EIF2B3: variants seen among roughly 807,000 people sequenced by gnomAD.
EIF2B3 encodes the protein eukaryotic translation initiation factor 2B subunit gamma.
Under a neutral mutation model 54.1 loss-of-function variants are expected in EIF2B3, and 20 were observed. That is an observed-to-expected ratio of 0.37 (90% CI 0.26 to 0.54). The LOEUF (loss-of-function observed/expected upper bound fraction) is 0.54, where lower values mean the gene tolerates loss of function less well. Among genes scored for constraint, EIF2B3 ranks in the 20% least tolerant of loss-of-function variants. The pLI is 0.86. For missense variants in EIF2B3, 448 were observed against 547.8 expected (o/e 0.82, Z 1.82); for synonymous variants, 153 against 188.1 (o/e 0.81, Z 1.52).
chr1:44,926,568 G>A, intron 5 of EIF2B3, 60 bp downstream of exon 5: 1 of 1,318,548 alleles, frequency 7.6e-7, no homozygotes, highest in Non-Finnish European at 1.1e-6. Context: ...CATCCACTGG[G>A]TGGTTTTATT....
At chr1:44,941,862 C>A (rs1644027511) in intron 3 of EIF2B3, among the ~76,000 whole-genome samples, 197 bp from the exon 4 acceptor site, 1 of 152,182 alleles carries the variant, frequency 6.6e-6, no homozygotes, top group Non-Finnish European at 1.5e-5. Context: ...AACTCTACCT[C>A]TCCCTTGTGT....
intron 4 of EIF2B3, among the ~76,000 whole-genome samples, chr1:44,927,216 C>G (rs950412397): frequency 1.3e-5 from 2 of 151,768 alleles, no homozygotes; most frequent in Admixed American, 1.3e-4. Context: ...TATAAAGAAT[C>G]TGCAACTAGG....
chr1:44,942,416 TA>T (rs1237756851), intron 3 of EIF2B3, among the ~76,000 whole-genome samples: 225 of 17,900 alleles, frequency 0.013, 3 homozygotes, highest in Non-Finnish European at 0.02. Flanking sequence ...TATATATATA[TA>T]TTTTTTTTTT....
At chr1:44,960,192 T>A (rs1455042547) in intron 3 of EIF2B3, among the ~76,000 whole-genome samples, 1 of 152,204 alleles carries the variant, frequency 6.6e-6, no homozygotes, top group East Asian at 1.9e-4. Flanking sequence ...AGTTATTTTT[T>A]AAAGTTGACT....
At chr1:44,916,509 G>A (rs933753445) in intron 5 of EIF2B3, among the ~76,000 whole-genome samples, 2 of 148,952 alleles carry the variant, frequency 1.3e-5, no homozygotes, top group African/African-American at 2.5e-5. Context: ...ATTACAGGCT[G>A]GTTGAAGTTT....
intron 6 of EIF2B3, among the ~76,000 whole-genome samples, chr1:44,890,794 T>C (rs893363567): frequency 6.6e-6 from 1 of 152,164 alleles, no homozygotes; most frequent in Admixed American, 6.5e-5. Context: ...GCCTTCTTCT[T>C]TGGTTTCTCA....
chr1:44,865,988 T>C (rs1261767285), intron 10 of EIF2B3, among the ~76,000 whole-genome samples: 2 of 152,202 alleles, frequency 1.3e-5, no homozygotes, highest in African/African-American at 2.4e-5. Flanking sequence ...TAGCCAGTTA[T>C]AGTAGAGGGG....
At chr1:44,958,844 G>A (rs1163700605) in intron 3 of EIF2B3, 3 of 951,302 alleles carry the variant, frequency 3.2e-6, no homozygotes, top group Non-Finnish European at 3.5e-6. Context: ...TGGGCTTCTG[G>A]ACATATCAGG....
intron 6 of EIF2B3, among the ~76,000 whole-genome samples, chr1:44,892,082 A>C (rs1655815078): frequency 6.6e-6 from 1 of 152,128 alleles, no homozygotes; most frequent in Non-Finnish European, 1.5e-5. Flanking sequence ...GAGGTTAACT[A>C]TCTTGCCTAG....
rs908026706 is a variant in EIF2B3 at position 44,915,352 on chromosome 1, T to A, written c.566+11276A>T. ...TTTGAGATAGGGTCTCGTTCTGTCA[T>A]CTAGGCTGGAATGCAATGGCATGAT... On this transcript the variant is annotated intron_variant, in intron 5 of 11. Transcript: ENST00000360403. Among the ~76,000 whole-genome samples, 5 of 152,136 alleles carry A rather than the reference T, an allele frequency of 3.3e-5. No homozygotes were observed. The South Asian group carries it at 8.3e-4, about 25-fold the overall frequency.
At position 44,981,163 on chromosome 1, in the gene EIF2B3, T is replaced by C; in HGVS notation, c.6A>G (p.Glu2=). Residue 2 remains glutamate (E), a synonymous_variant, in exon 2 of 12, where the codon GAA becomes GAG. Coordinates refer to ENST00000360403, the MANE Select transcript of EIF2B3 (RefSeq NM_020365.5). ...CTACTGCCATCACTACTGCTTGAAA[T>C]TCCATTTTTACAAACTGCAAGTACA... M[E]FQAVVMAVGG... is the part of the protein sequence containing the mutation. 2.5e-6 allele frequency: 4 copies of C among 1,611,926 alleles called. No homozygotes were observed. The highest frequency in any genetic ancestry group is 3.4e-6 in the Non-Finnish European group (4 of 1,179,708).
At chr1:44,942,449 A>C in intron 3 of EIF2B3, among the ~76,000 whole-genome samples, 1 of 50,706 alleles carries the variant, frequency 2.0e-5, no homozygotes, top group Non-Finnish European at 3.2e-5. Flanking sequence ...TTTTTTCCAG[A>C]CAGGGTCTTA....
intron 3 of EIF2B3, among the ~76,000 whole-genome samples, chr1:44,945,112 T>C (rs1434170446): frequency 1.3e-5 from 2 of 152,150 alleles, no homozygotes; most frequent in Non-Finnish European, 2.9e-5. Flanking sequence ...AGAATCACCA[T>C]TTCTTTTTCC....
At chr1:44,901,549 C>G (rs1311905695) in intron 5 of EIF2B3, among the ~76,000 whole-genome samples, 1 of 141,140 alleles carries the variant, frequency 7.1e-6, no homozygotes, top group African/African-American at 2.7e-5. Flanking sequence ...CTGGGCCTGG[C>G]CTTTTTTTTT....
At chr1:44,968,695 G>A (rs1013102077) in intron 3 of EIF2B3, among the ~76,000 whole-genome samples, 1 of 152,104 alleles carries the variant, frequency 6.6e-6, no homozygotes, top group East Asian at 1.9e-4. Context: ...TCAGGAGTTC[G>A]AGACCAGCCT....
Position 44,952,048 on chromosome 1 carries a change from C to T in EIF2B3, c.295-10383G>A, listed in dbSNP as rs1259075066. 1.0e-4 allele frequency among the ~76,000 whole-genome samples: 12 copies of T among 120,214 alleles called. 2 individuals are homozygous for T. Among genetic ancestry groups the T allele is most frequent in the African/African-American group, 2.9e-4 (9 of 31,262 alleles). 78.9% of individuals were successfully genotyped at this position (120,214 alleles called of 152,430 possible). A position where few individuals can be genotyped will look rare whatever the true frequency, so the allele number is the denominator to read the frequency against. ...CGGGAACTCGGCTCACTGCAAGCTC[C>T]GCCTCCTGGGTTCACGCCATTCTCC... On this transcript the variant is annotated intron_variant, in intron 3 of 11. Coordinates refer to ENST00000360403, the MANE Select transcript of EIF2B3 (RefSeq NM_020365.5).
In EIF2B3 at chr1:44,858,364, C is replaced by G. The variant is rs1654503027; in HGVS notation, c.1203-557G>C. Among the ~76,000 whole-genome samples the G allele has an allele frequency of 2.0e-5, 3 of 152,142 alleles. No homozygotes were observed. The South Asian group carries it at 6.2e-4, about 32-fold the overall frequency. On this transcript the variant is annotated intron_variant, in intron 10 of 11. Coordinates refer to ENST00000360403, the MANE Select transcript of EIF2B3 (RefSeq NM_020365.5). ...TCATCTGGGAATATATACCAAATTT[C>G]ATTTGAGGCTCAGAAATCACAAATC... is the stretch of plus-strand genomic sequence containing the variant.
chr1:44,933,410 A>G (rs1176387390), intron 4 of EIF2B3, among the ~76,000 whole-genome samples: 2 of 152,162 alleles, frequency 1.3e-5, no homozygotes, highest in African/African-American at 4.8e-5. Flanking sequence ...TTTACATTCT[A>G]TAGTAAGAAG....
chr1:44,860,814 G>A (rs1369977440), intron 10 of EIF2B3, among the ~76,000 whole-genome samples: 1 of 152,176 alleles, frequency 6.6e-6, no homozygotes, highest in African/African-American at 2.4e-5. Flanking sequence ...TAGAGAGGGT[G>A]TAAGCACCCT....
Sources: gnomAD v4.1 joint callset for allele counts (sites outside exome capture counted in the v4.1 genomes callset) on GRCh38, gnomAD v4.1.1 for gene constraint, MANE v1.5 for transcripts, NCBI Gene and HGNC (gene_info 2026-07-23, HGNC 2026-07-21) for gene names.